Variants in NUP35 observed in about 807,000 individuals in gnomAD.
NUP35 encodes the protein nucleoporin 35.
In NUP35, 25 loss-of-function variants were observed where a neutral mutation model predicts 41.5. The observed-to-expected ratio is 0.60, with a 90% CI of 0.44 to 0.84. The LOEUF is 0.84. NUP35 is among the 40% of genes least tolerant of loss of function. NUP35 has a pLI of 0.00. For synonymous variants in NUP35, 149 were observed against 130.7 expected (o/e 1.14, Z -0.96); for missense variants, 396 against 396.6 (o/e 1.00, Z 0.01).
upstream of NUP35, chr2:183,120,025 AATG>A (rs1700044719): frequency 6.9e-6 from 1 of 145,702 alleles, no homozygotes; most frequent in Non-Finnish European, 1.5e-5. Context: ...TATATAGTAT[AATG>A]AAGGATGTTA....
Position 183,161,070 on chromosome 2 carries a change from A to C in NUP35, c.920A>C (p.Gln307Pro). 6.2e-7 allele frequency: 1 copy of C among 1,613,200 alleles called. No homozygotes were observed. The change falls in exon 9 of 9, where the codon CAA becomes CCA. Residue 307 changes from glutamine to proline, a missense_variant. Transcript: ENST00000295119. The part of the protein sequence containing the change: ...TSDYQVISDR[Q>P]TPKKDESLVS... ...TTTTAATAGGTTATTTCTGACAGAC[A>C]AACGCCAAAAAAAGATGAAAGTCTT... is the stretch of plus-strand genomic sequence containing the variant.
intron 4 of NUP35, among the ~76,000 whole-genome samples, chr2:183,139,204 C>T (rs1043374594): frequency 1.1e-5 from 1 of 89,912 alleles, no homozygotes. Context: ...TTTTGCATTT[C>T]TTTCTTTCTT....
intron 4 of NUP35, among the ~76,000 whole-genome samples, chr2:183,149,815 A>G (rs552265679): frequency 4.6e-5 from 7 of 152,226 alleles, no homozygotes; most frequent in Non-Finnish European, 1.0e-4. Context: ...AATTTGTTAA[A>G]TGGACTAATT....
chr2:183,152,946 A>G (rs1010573034), intron 5 of NUP35, among the ~76,000 whole-genome samples: 2 of 152,222 alleles, frequency 1.3e-5, no homozygotes, highest in Non-Finnish European at 2.9e-5. Flanking sequence ...GACTGGAAAG[A>G]AAAAGAGGTT....
At chr2:183,149,875 G>A (rs1245633777) in intron 4 of NUP35, among the ~76,000 whole-genome samples, 1 of 152,090 alleles carries the variant, frequency 6.6e-6, no homozygotes, top group Non-Finnish European at 1.5e-5. Context: ...CTCGTAAAGT[G>A]TAATAATCAC....
chr2:183,138,293 T>C (rs1300224072), intron 4 of NUP35, among the ~76,000 whole-genome samples: 1 of 136,344 alleles, frequency 7.3e-6, no homozygotes, highest in African/African-American at 2.7e-5. Flanking sequence ...TTAGCTCCTG[T>C]ATTTAGTGTT....
At chr2:183,136,366 G>A (rs1409645554) in intron 4 of NUP35, among the ~76,000 whole-genome samples, 1 of 152,212 alleles carries the variant, frequency 6.6e-6, no homozygotes, top group African/African-American at 2.4e-5. Context: ...ACAGGGCTGT[G>A]TTTCTGTCTG....
chr2:183,143,393 A>G (rs1685171032), intron 4 of NUP35, among the ~76,000 whole-genome samples: 1 of 152,116 alleles, frequency 6.6e-6, no homozygotes, highest in Non-Finnish European at 1.5e-5. Flanking sequence ...GCAGCAGGGT[A>G]GAATTGATGG....
At chr2:183,123,152 C>T (rs2105527974), upstream of NUP35, among the ~76,000 whole-genome samples, 2 of 152,272 alleles carry the variant, frequency 1.3e-5, no homozygotes, top group Admixed American at 6.5e-5. Flanking sequence ...AATAGATTCT[C>T]CCCTGGAGCC....
upstream of NUP35, among the ~76,000 whole-genome samples, chr2:183,120,401 G>A (rs1470509794): frequency 1.4e-5 from 2 of 145,440 alleles, no homozygotes; most frequent in Non-Finnish European, 3.0e-5. Context: ...ACCTGAGATC[G>A]CTCCACTGTA....
chr2:183,128,974 G>C (rs1353161295), intron 2 of NUP35, among the ~76,000 whole-genome samples: 1 of 152,154 alleles, frequency 6.6e-6, no homozygotes, highest in Non-Finnish European at 1.5e-5. Context: ...ACAATGCTAA[G>C]ATGCCATTTT....
chr2:183,138,269 A>ATATATATATATATATATAT, intron 4 of NUP35, among the ~76,000 whole-genome samples: 3 of 80,696 alleles, frequency 3.7e-5, no homozygotes, highest in Admixed American at 2.7e-4. Flanking sequence ...ATATATATAT[A>ATATATATATATATATATAT]TTTTTTTTTT....
At chr2:183,145,243 C>T (rs2675102) in intron 4 of NUP35, among the ~76,000 whole-genome samples, 74,868 of 152,070 alleles carry the variant, frequency 0.49, 19,779 homozygotes, top group African/African-American at 0.68. Context: ...ATGTTTCATT[C>T]TAAATCAGAC....
upstream of NUP35, among the ~76,000 whole-genome samples, chr2:183,119,601 A>C (rs1700038255): frequency 2.0e-5 from 3 of 152,290 alleles, no homozygotes; most frequent in South Asian, 6.2e-4. Context: ...TGTTCACAAG[A>C]GAATGAGGGT....
At chr2:183,126,758 A>C (rs1209367845) in intron 1 of NUP35, among the ~76,000 whole-genome samples, 4 of 152,202 alleles carry the variant, frequency 2.6e-5, no homozygotes, top group Non-Finnish European at 5.9e-5. Flanking sequence ...CAGATTGTTA[A>C]GGCCATCTAG....
chr2:183,121,814 G>C (rs1316380833), upstream of NUP35, among the ~76,000 whole-genome samples: 1 of 151,968 alleles, frequency 6.6e-6, no homozygotes, highest in Non-Finnish European at 1.5e-5. Context: ...CCTGGTGACA[G>C]AGCGAGACTA....
chr2:183,158,732 A>G (rs1685763782), intron 7 of NUP35, among the ~76,000 whole-genome samples: 1 of 152,132 alleles, frequency 6.6e-6, no homozygotes, highest in South Asian at 2.1e-4. Flanking sequence ...TTCTTGTGCA[A>G]AGCGATACCA....
Position 183,161,139 on chromosome 2 carries a change from C to T in NUP35, c.*8C>T, listed in dbSNP as rs762537479. On this transcript the variant is annotated 3_prime_UTR_variant, in exon 9 of 9. Transcript: ENST00000295119. ...TACATGTTTGGCTGGTAGTAGAACA[C>T]CAAGAAGGAGGTTGCTACACTAAAA... 5.6e-6 allele frequency: 9 copies of T among 1,605,498 alleles called. No homozygotes were observed. The highest frequency in any genetic ancestry group is 7.7e-6 in the Non-Finnish European group (9 of 1,173,204).
intron 4 of NUP35, among the ~76,000 whole-genome samples, chr2:183,141,644 T>C (rs981788475): frequency 6.6e-6 from 1 of 151,996 alleles, no homozygotes; most frequent in African/African-American, 2.4e-5. Context: ...TTAATAATTG[T>C]TTTTTTTCTA....
Sources: gnomAD v4.1 joint callset for allele counts (sites outside exome capture counted in the v4.1 genomes callset) on GRCh38, gnomAD v4.1.1 for gene constraint, MANE v1.5 for transcripts, NCBI Gene and HGNC (gene_info 2026-07-23, HGNC 2026-07-21) for gene names.